The following CNKSR2 variants were observed in gnomAD, a reference collection of about 807,000 sequenced individuals.
CNKSR2 encodes the protein CNK homolog protein 2.
In CNKSR2, 14 loss-of-function variants were observed where a neutral mutation model predicts 84.4. The observed-to-expected ratio is 0.17, with a 90% CI of 0.11 to 0.26. The LOEUF (loss-of-function observed/expected upper bound fraction) is 0.26, where lower values mean the gene tolerates loss of function less well. Among genes scored for constraint, CNKSR2 ranks in the 10% least tolerant of loss-of-function variants. The pLI, the probability that CNKSR2 is intolerant of heterozygous loss-of-function variation, is 1.00. For synonymous variants in CNKSR2, 275 were observed against 277.9 expected, an observed-to-expected ratio of 0.99 and a Z score of 0.10; for missense variants, 485 against 771.2, an observed-to-expected ratio of 0.63 and a Z score of 4.40.
intron 1 of CNKSR2, among the ~76,000 whole-genome samples, chrX:21,385,275 G>A (rs1370724414): frequency 9.0e-6 from 1 of 111,446 alleles, no homozygotes; most frequent in African/African-American, 3.3e-5. Flanking sequence ...ATAAAATGGG[G>A]ATGCTGGTAT....
At chrX:21,561,635 T>G (rs2092190782) in intron 12 of CNKSR2, 75 bp downstream of exon 12, 2 of 731,372 alleles carry the variant, frequency 2.7e-6, no homozygotes. Flanking sequence ...GTAAATAGAT[T>G]GTTATGGCTT....
At chrX:21,602,423 G>A (rs2092488652) in intron 18 of CNKSR2, among the ~76,000 whole-genome samples, 1 of 111,888 alleles carries the variant, frequency 8.9e-6, no homozygotes, top group Admixed American at 9.5e-5. Context: ...CCAAAATGCT[G>A]GGATTACAGG....
intron 8 of CNKSR2, 67 bp from the exon 9 acceptor site, chrX:21,516,417 AG>A (rs2091729170): frequency 9.5e-7 from 1 of 1,054,984 alleles, no homozygotes; most frequent in Non-Finnish European, 1.3e-6. Flanking sequence ...ATCTTATTAA[AG>A]GGGGAGAACA....
chrX:21,591,027 A>G lies in CNKSR2; in HGVS notation c.1663A>G (p.Ile555Val). Reference protein sequence around the residue: ...HKSKKKNKGPIAGKSKRRISC... With the variant: ...HKSKKKNKGPVAGKSKRRISC... Reference sequence around the variant, plus strand: ...AGAGCATTTCCACCCTTTAGGTCCTATAGCAGGCAAGAGCAAAAGACGAAT... The same window carrying G: ...AGAGCATTTCCACCCTTTAGGTCCTGTAGCAGGCAAGAGCAAAAGACGAAT... The change falls in exon 15 of 22, where the codon ATA becomes GTA. Residue 555 changes from isoleucine (I) to valine (V), a missense_variant. Coordinates refer to ENST00000379510, the MANE Select transcript of CNKSR2 (RefSeq NM_014927.5). 2 of 1,207,773 alleles carry G rather than the reference A, an allele frequency of 1.7e-6. No homozygotes were observed. Among genetic ancestry groups the G allele is most frequent in the Non-Finnish European group, 2.2e-6 (2 of 893,187 alleles).
At position 21,652,592 on chromosome X, in the gene CNKSR2, C is replaced by T. The variant is rs2092723633; in HGVS notation, c.*71C>T. ...CAAGTATATAAGGTAGTTTTTATAT[C>T]AATGTGTGGAACACTTGACAAGCTA... On this transcript the variant is annotated 3_prime_UTR_variant, in exon 22 of 22. Coordinates refer to ENST00000379510, the MANE Select transcript of CNKSR2 (RefSeq NM_014927.5). The T allele has an allele frequency of 2.5e-6, 2 of 800,884 alleles. No individual in the cohort carries two copies. The highest frequency in any genetic ancestry group is 4.1e-5 in the African/African-American group (2 of 49,023). 66.0% of individuals were successfully genotyped at this position (800,884 alleles called of 1,213,427 possible).
At chrX:21,637,469 AAAT>A (rs1207625098) in intron 20 of CNKSR2, 1 of 112,074 alleles carries the variant, frequency 8.9e-6, no homozygotes, top group Non-Finnish European at 1.9e-5. Context: ...TTATTTAGAA[AAAT>A]AATATTTTAT....
chrX:21,552,979 C>G (rs1422675083), intron 11 of CNKSR2, among the ~76,000 whole-genome samples: 1 of 111,716 alleles, frequency 9.0e-6, no homozygotes, highest in Admixed American at 9.5e-5. Flanking sequence ...CATATGACAA[C>G]TTAGCATTGT....
intron 1 of CNKSR2, among the ~76,000 whole-genome samples, chrX:21,411,505 A>G (rs1486659844): frequency 9.0e-6 from 1 of 111,714 alleles, no homozygotes; most frequent in Non-Finnish European, 1.9e-5. Context: ...AAACCAGAGA[A>G]GAGTTTTTCA....
At chrX:21,445,739 A>G (rs970318092) in intron 4 of CNKSR2, among the ~76,000 whole-genome samples, 4 of 112,060 alleles carry the variant, frequency 3.6e-5, no homozygotes, top group Non-Finnish European at 7.5e-5. Flanking sequence ...TTAACATAAT[A>G]TCCTTTAGAC....
At chrX:21,555,644 C>T (rs908589388) in intron 11 of CNKSR2, among the ~76,000 whole-genome samples, 11 of 111,288 alleles carry the variant, frequency 9.9e-5, no homozygotes, top group African/African-American at 3.6e-4. Context: ...TAACTATACT[C>T]ACTATACTCA....
At chrX:21,396,967 A>G (rs895299047) in intron 1 of CNKSR2, among the ~76,000 whole-genome samples, 6 of 111,742 alleles carry the variant, frequency 5.4e-5, no homozygotes, top group Admixed American at 4.7e-4. Flanking sequence ...CATGCAACAA[A>G]CCTACTTCAT....
intron 1 of CNKSR2, among the ~76,000 whole-genome samples, chrX:21,395,251 A>G (rs2090105490): frequency 9.0e-6 from 1 of 111,726 alleles, no homozygotes; most frequent in Non-Finnish European, 1.9e-5. Context: ...ATAAGACTTC[A>G]TTTTGAGGAA....
chrX:21,418,064 C>G (rs1453201716), intron 1 of CNKSR2, among the ~76,000 whole-genome samples: 4 of 110,955 alleles, frequency 3.6e-5, no homozygotes, highest in Admixed American at 9.6e-5. Context: ...GTTTGAGGTT[C>G]CCATGAGCCT....
chrX:21,529,960 A>G (rs1197272469), intron 10 of CNKSR2, among the ~76,000 whole-genome samples: 4 of 110,690 alleles, frequency 3.6e-5, no homozygotes, highest in African/African-American at 6.6e-5. Flanking sequence ...TTTCAGCTGC[A>G]TTAACATTCA....
chrX:21,613,757 T>C (rs986781813), intron 20 of CNKSR2, among the ~76,000 whole-genome samples: 7 of 111,711 alleles, frequency 6.3e-5, no homozygotes, highest in African/African-American at 1.9e-4. Flanking sequence ...CTGGCCAACA[T>C]GGCAAAACCC....
intron 4 of CNKSR2, among the ~76,000 whole-genome samples, chrX:21,469,476 AAAATT>A (rs2091169661): frequency 8.9e-6 from 1 of 111,979 alleles, no homozygotes. Flanking sequence ...CTTTTTTGTT[AAAATT>A]AAATTCAGGA....
At chrX:21,617,178 CA>C (rs1259657903) in intron 20 of CNKSR2, among the ~76,000 whole-genome samples, 1 of 110,300 alleles carries the variant, frequency 9.1e-6, no homozygotes, top group Admixed American at 9.6e-5. Context: ...TTTCACACAT[CA>C]AAAAAAAGCA....
At chrX:21,478,186 C>T (rs1425682772) in intron 5 of CNKSR2, among the ~76,000 whole-genome samples, 3 of 111,385 alleles carry the variant, frequency 2.7e-5, no homozygotes, top group Non-Finnish European at 5.7e-5. Context: ...TTGTGGTCAG[C>T]CTGAAGAAAT....
intron 17 of CNKSR2, among the ~76,000 whole-genome samples, chrX:21,599,863 A>G (rs2092471678): frequency 9.0e-6 from 1 of 111,343 alleles, no homozygotes; most frequent in African/African-American, 3.3e-5. Flanking sequence ...TTAACTTTGA[A>G]CTTTTACTAA....
Sources: allele counts gnomAD v4.1 joint callset (sites outside exome capture counted in the v4.1 genomes callset), GRCh38; gene constraint gnomAD v4.1.1; transcripts MANE v1.5; gene names NCBI Gene and HGNC (gene_info 2026-07-23, HGNC 2026-07-21).